Variants in ETFA observed in about 807,000 individuals in gnomAD.
ETFA encodes electron transfer flavoprotein subunit alpha, also known as electron transfer flavoprotein subunit alpha, mitochondrial.
In ETFA, 22 loss-of-function variants were observed where a neutral mutation model predicts 46.2. The ratio of observed to expected loss-of-function variants is 0.48; its 90% CI spans 0.34 to 0.68. The LOEUF (loss-of-function observed/expected upper bound fraction) is 0.68, where lower values mean the gene tolerates loss of function less well. Among genes scored for constraint, ETFA ranks in the 30% least tolerant of loss-of-function variants. ETFA has a pLI of 0.01. For missense variants in ETFA, 345 were observed against 401.1 expected (o/e 0.86, Z 1.19); for synonymous variants, 131 against 139.9 (o/e 0.94, Z 0.45).
Position 76,287,987 on chromosome 15 carries a change from G to T in ETFA, c.352-42C>A. On this transcript the variant is annotated intron_variant, in intron 4 of 11. Transcript: ENST00000557943. Reference sequence around the variant, plus strand: ...CAGTGAGTTAACACACATACATAGTGATGGAAGACTATAAATGATCAGTAA... The same window carrying T: ...CAGTGAGTTAACACACATACATAGTTATGGAAGACTATAAATGATCAGTAA... 3.4e-6 allele frequency: 4 copies of T among 1,170,970 alleles called. No homozygotes were observed. The South Asian group carries it at 3.7e-5, about 11-fold the overall frequency. The allele number at this position is 1,170,970 out of a possible 1,614,324, so 72.5% of individuals were successfully genotyped here. A position where few individuals can be genotyped will look rare whatever the true frequency, so the allele number is the denominator to read the frequency against.
chr15:76,260,383 T>C, intron 9 of ETFA: 1 of 1,553,758 alleles, frequency 6.4e-7, no homozygotes, highest in Non-Finnish European at 8.9e-7. Flanking sequence ...GCAGCAGCCG[T>C]CACCAGGGCC....
intron 9 of ETFA, among the ~76,000 whole-genome samples, chr15:76,238,240 C>G (rs1246277282): frequency 6.6e-6 from 1 of 152,020 alleles, no homozygotes; most frequent in East Asian, 1.9e-4. Flanking sequence ...ATATGAAATA[C>G]GAATATGAGT....
At position 76,305,859 on chromosome 15, in the gene ETFA, G is replaced by T. The variant is rs1398589401; in HGVS notation, c.39+5491C>A. 4.8e-5 allele frequency among the ~76,000 whole-genome samples: 7 copies of T among 146,632 alleles called. No individual in the cohort carries two copies. The South Asian group carries it at 8.8e-4, about 18-fold the overall frequency. Reference sequence around the variant, plus strand: ...GTCCTTCTCTTTTTCAACCTCAATAGTTGTTTTTTTTTTTTTCTTGTGGGG... The same window carrying T: ...GTCCTTCTCTTTTTCAACCTCAATATTTGTTTTTTTTTTTTTCTTGTGGGG... On this transcript the variant is annotated intron_variant, in intron 1 of 11. Transcript: ENST00000557943.
chr15:76,272,805 A>AATATATATAT (rs1379336424), intron 9 of ETFA, among the ~76,000 whole-genome samples: 4 of 78,556 alleles, frequency 5.1e-5, no homozygotes, highest in South Asian at 3.5e-4. Flanking sequence ...TGTCTCTTAA[A>AATATATATAT]ATATATACAT....
intron 1 of ETFA, among the ~76,000 whole-genome samples, chr15:76,308,536 A>G: frequency 6.6e-6 from 1 of 152,188 alleles, no homozygotes; most frequent in East Asian, 1.9e-4. Context: ...GAAACACCAG[A>G]CAAACCCAAA....
chr15:76,289,748 C>G (rs185129746), intron 4 of ETFA, among the ~76,000 whole-genome samples: 1 of 152,186 alleles, frequency 6.6e-6, no homozygotes, highest in Non-Finnish European at 1.5e-5. Flanking sequence ...GACTATCATA[C>G]AGCAAATTGT....
chr15:76,275,644 G>T (rs182765251), intron 8 of ETFA, among the ~76,000 whole-genome samples: 1 of 152,042 alleles, frequency 6.6e-6, no homozygotes, highest in Admixed American at 6.6e-5. Flanking sequence ...TATTTGTAAC[G>T]GTTTTCTATT....
chr15:76,240,640 G>A (rs1185912518), intron 9 of ETFA, among the ~76,000 whole-genome samples: 1 of 152,050 alleles, frequency 6.6e-6, no homozygotes, highest in Non-Finnish European at 1.5e-5. Flanking sequence ...CAGAAAAAAA[G>A]TGAAATTTCA....
At chr15:76,234,088 G>T (rs1320820834) in intron 9 of ETFA, among the ~76,000 whole-genome samples, 1 of 152,084 alleles carries the variant, frequency 6.6e-6, no homozygotes, top group Non-Finnish European at 1.5e-5. Context: ...GTTGCTCCAG[G>T]GCCATTTCTA....
Position 76,287,851 on chromosome 15 carries a change from T to G in ETFA, c.446A>C (p.Tyr149Ser). 4 of 1,602,040 alleles carry G rather than the reference T, an allele frequency of 2.5e-6. No homozygotes were observed. Among genetic ancestry groups the G allele is most frequent in the Non-Finnish European group, 3.4e-6 (4 of 1,169,014 alleles). Reference sequence around the variant, plus strand: ...TATCTTCCTTGAGTACTCACCTGCATAAATAGTTCTCACAAATGTGTCAGG... The same window carrying G: ...TATCTTCCTTGAGTACTCACCTGCAGAAATAGTTCTCACAAATGTGTCAGG... ...KSPDTFVRTI[Y>S]AGNALCTVKC... The change falls in exon 5 of 12, where the codon TAT (tyrosine) becomes TCT (serine). Residue 149 changes from tyrosine (Y) to serine (S), a missense_variant. Physicochemically the swap from Tyr to Ser is moderately radical, Grantham distance 144. Coordinates refer to ENST00000557943, the MANE Select transcript of ETFA (RefSeq NM_000126.4).
rs1216576902 is a variant in ETFA at position 76,215,711 on chromosome 15, G to A, written c.*848C>T. 6.6e-6 allele frequency: 1 copy of A among 152,186 alleles called. No individual in the cohort carries two copies. Among genetic ancestry groups the A allele is most frequent in the East Asian group, 1.9e-4 (1 of 5,172 alleles). 9.4% of individuals were successfully genotyped at this position (152,186 alleles called of 1,614,324 possible). A position where few individuals can be genotyped will look rare whatever the true frequency, so the allele number is the denominator to read the frequency against. On this transcript the variant is annotated 3_prime_UTR_variant, in exon 12 of 12. Transcript: ENST00000557943. ...CCTGGGCAGCAGAATGAGAGTGCCA[G>A]AGGTGACTACACAGGCCTGGGTGCT...
intron 10 of ETFA, among the ~76,000 whole-genome samples, chr15:76,229,727 C>T (rs2039045222): frequency 6.6e-6 from 1 of 152,290 alleles, no homozygotes; most frequent in African/African-American, 2.4e-5. Context: ...TGGGCCAGTT[C>T]ATTTAGAAGC....
At chr15:76,224,662 G>T (rs1376021621) in intron 11 of ETFA, among the ~76,000 whole-genome samples, 10 of 152,214 alleles carry the variant, frequency 6.6e-5, no homozygotes, top group Admixed American at 2.0e-4. Flanking sequence ...TCAGGCTGAA[G>T]CCTCTCCACT....
chr15:76,232,990 C>T (rs1013653118), intron 9 of ETFA, among the ~76,000 whole-genome samples: 1 of 152,162 alleles, frequency 6.6e-6, no homozygotes, highest in Non-Finnish European at 1.5e-5. Context: ...ATCTAGTCCC[C>T]AAAGTGAGTT....
chr15:76,304,557 G>A (rs1286625171), intron 1 of ETFA, among the ~76,000 whole-genome samples: 1 of 151,844 alleles, frequency 6.6e-6, no homozygotes, highest in Non-Finnish European at 1.5e-5. Context: ...CCAGCTACTT[G>A]GAAGGCTGAG....
intron 9 of ETFA, 103 bp from the exon 10 acceptor site, chr15:76,231,501 A>C (rs2039065938): frequency 2.9e-6 from 2 of 699,188 alleles, no homozygotes; most frequent in Middle Eastern, 3.9e-4. Context: ...AGATATGTTA[A>C]ATAAAATAGA....
chr15:76,274,684 C>G (rs1461685323), intron 8 of ETFA, among the ~76,000 whole-genome samples, 190 bp from the exon 9 acceptor site: 1 of 152,142 alleles, frequency 6.6e-6, no homozygotes, highest in Admixed American at 6.5e-5. Context: ...CTTAACTCTT[C>G]TGCATGCTTT....
intron 9 of ETFA, among the ~76,000 whole-genome samples, chr15:76,252,892 G>C (rs371697821): frequency 2.4e-5 from 2 of 84,078 alleles, no homozygotes; most frequent in African/African-American, 4.0e-5. Flanking sequence ...CACACACACA[G>C]AGTACTTTTT....
intron 9 of ETFA, chr15:76,260,227 T>C: frequency 1.6e-6 from 2 of 1,256,230 alleles, no homozygotes; most frequent in Non-Finnish European, 2.3e-6. Flanking sequence ...CTTTCCAATG[T>C]GGCCTCGATG....
Sources: gnomAD v4.1 joint callset for allele counts (sites outside exome capture counted in the v4.1 genomes callset) on GRCh38, gnomAD v4.1.1 for gene constraint, MANE v1.5 for transcripts, NCBI Gene and HGNC (gene_info 2026-07-23, HGNC 2026-07-21) for gene names.